The following TMPRSS7 variants were observed in gnomAD, a reference collection of about 807,000 sequenced individuals.
The protein encoded by TMPRSS7 is transmembrane protease serine 7.
In TMPRSS7, 81 loss-of-function variants were observed where a neutral mutation model predicts 95.6. The ratio of observed to expected loss-of-function variants is 0.85; its 90% confidence interval spans 0.71 to 1.02. The LOEUF is 1.02. Ranked by LOEUF, TMPRSS7 falls within the 50% of genes least tolerant of loss-of-function variation. The probability of loss-of-function intolerance (pLI) is 0.00; values close to 1 mark genes in which losing one functional copy is unlikely to be tolerated. For missense variants in TMPRSS7, 945 were observed against 955.2 expected, an observed-to-expected ratio of 0.99 and a Z score of 0.14; for synonymous variants, 364 against 337.8, an observed-to-expected ratio of 1.08 and a Z score of -0.85.
intron 7 of TMPRSS7, among the ~76,000 whole-genome samples, chr3:112,049,022 T>C (rs1211813955): frequency 6.6e-6 from 1 of 152,028 alleles, no homozygotes; most frequent in Non-Finnish European, 1.5e-5. Flanking sequence ...AAAGCTAAAC[T>C]AAAAGGAAAA....
chr3:112,040,562 G>A (rs11928544), intron 2 of TMPRSS7, among the ~76,000 whole-genome samples: 16,815 of 152,094 alleles, frequency 0.11, 1,154 homozygotes, highest in South Asian at 0.27. Context: ...CAAGTCAATG[G>A]GCCATTAAGA....
chr3:112,042,769 C>G (rs74844496), intron 3 of TMPRSS7, among the ~76,000 whole-genome samples: 3,386 of 152,286 alleles, frequency 0.022, 127 homozygotes, highest in African/African-American at 0.077. Flanking sequence ...GATAATGTGA[C>G]AGCAAAACTG....
At chr3:112,049,403 A>G (rs1023369955) in intron 7 of TMPRSS7, among the ~76,000 whole-genome samples, 1 of 152,198 alleles carries the variant, frequency 6.6e-6, no homozygotes, top group African/African-American at 2.4e-5. Flanking sequence ...GACCTGGACA[A>G]CACACATGGC....
At chr3:112,039,411 A>G (rs6783542) in intron 2 of TMPRSS7, among the ~76,000 whole-genome samples, 99,646 of 152,144 alleles carry the variant, frequency 0.65, 33,217 homozygotes, top group African/African-American at 0.78. Flanking sequence ...CTTAGATCCT[A>G]ACACAGAGCT....
At chr3:112,077,447 G>A (rs767054427) in intron 16 of TMPRSS7, among the ~76,000 whole-genome samples, 2 of 152,166 alleles carry the variant, frequency 1.3e-5, no homozygotes, top group Admixed American at 6.5e-5. Context: ...TTATTCACTA[G>A]AGAAGGAGCA....
chr3:112,041,368 A>G (rs528563931), intron 2 of TMPRSS7, among the ~76,000 whole-genome samples: 1 of 152,260 alleles, frequency 6.6e-6, no homozygotes, highest in Non-Finnish European at 1.5e-5. Context: ...ATTCTTTTTA[A>G]TTCAGCCATC....
rs546206271 is a variant in TMPRSS7, at chr3:112,048,845, C to A, written c.959+878C>A. Among the ~76,000 whole-genome samples, 5 of 152,262 alleles carry A rather than the reference C, an allele frequency of 3.3e-5. No homozygotes were observed. The East Asian group carries it at 9.6e-4, about 29-fold the overall frequency. ...TTTACTTATCTCATTTAATCCTCAG[C>A]AAAATGCTATGAGGAGCATACTATT... On this transcript the variant is annotated intron_variant, in intron 7 of 17. Coordinates refer to ENST00000452346, the Ensembl canonical transcript of TMPRSS7.
chr3:112,047,655 T>C, intron 6 of TMPRSS7, 84 bp from the exon 7 acceptor site: 1 of 1,106,642 alleles, frequency 9.0e-7, no homozygotes. Flanking sequence ...CTTTTGCCCT[T>C]TACTTTTCTA....
chr3:112,071,920 A>G (rs2073653179), intron 13 of TMPRSS7, among the ~76,000 whole-genome samples: 1 of 152,110 alleles, frequency 6.6e-6, no homozygotes, highest in South Asian at 2.1e-4. Context: ...GAAGTTTGTT[A>G]TTACCTACCT....
intron 5 of TMPRSS7, 95 bp from the exon 6 acceptor site, chr3:112,046,879 T>G: frequency 5.8e-6 from 4 of 689,006 alleles, no homozygotes; most frequent in Non-Finnish European, 1.1e-5. Flanking sequence ...TTTGATTGCC[T>G]TTAAAGAAGG....
Position 112,078,742 on chromosome 3 carries a change from A to G in TMPRSS7, c.2225A>G (p.Asp742Gly), listed in dbSNP as rs531571098. The change falls in exon 17 of 18, where the codon GAT (aspartate) becomes GGT (glycine). Residue 742 changes from aspartate to glycine, a missense_variant and splice_region_variant. By Grantham distance (94) the Asp-to-Gly change is moderately conservative. Coordinates refer to ENST00000452346, the Ensembl canonical transcript of TMPRSS7. ...TTTCTACTTCCAATGTGTTTTGCAGATAATAAAGGCTCCCTCGTTCTGCAG... is the reference window on the plus strand; with the variant it reads ...TTTCTACTTCCAATGTGTTTTGCAGGTAATAAAGGCTCCCTCGTTCTGCAG... 14 of 1,614,046 alleles carry G rather than the reference A, an allele frequency of 8.7e-6. No homozygotes were observed. The Middle Eastern group carries it at 4.9e-4, about 57-fold the overall frequency.
intron 17 of TMPRSS7, among the ~76,000 whole-genome samples, chr3:112,079,898 C>T (rs1477217072): frequency 6.6e-6 from 1 of 152,134 alleles, no homozygotes; most frequent in Non-Finnish European, 1.5e-5. Context: ...GTGTAAATGT[C>T]TGAGCTGGGA....
At position 112,049,993 on chromosome 3, in the gene TMPRSS7, T is replaced by C. The variant is rs1437217004; in HGVS notation, c.1090+19T>C. ...GAACAAAGTAAGTCTTCCCCAATTA[T>C]GGAGAAGTCACTTTTAGAAATATTT... On this transcript the variant is annotated intron_variant, in intron 8 of 17. Transcript: ENST00000452346. 2.0e-6 allele frequency: 3 copies of C among 1,526,890 alleles called. No homozygotes were observed. Among genetic ancestry groups the C allele is most frequent in the African/African-American group, 1.4e-5 (1 of 72,164 alleles). 94.6% of individuals were successfully genotyped at this position (1,526,890 alleles called of 1,614,324 possible).
At chr3:112,057,563 A>G (rs1434220786) in intron 10 of TMPRSS7, among the ~76,000 whole-genome samples, 2 of 152,152 alleles carry the variant, frequency 1.3e-5, no homozygotes, top group African/African-American at 4.8e-5. Flanking sequence ...TCAGAAATCT[A>G]GGGGCTTAGG....
intron 7 of TMPRSS7, 71 bp downstream of exon 7, chr3:112,048,038 C>T: frequency 6.2e-6 from 9 of 1,452,024 alleles, no homozygotes; most frequent in Non-Finnish European, 8.6e-6. Context: ...TATCTGTGTT[C>T]CCCCTGGATT....
intron 12 of TMPRSS7, among the ~76,000 whole-genome samples, chr3:112,065,867 A>G (rs965103106): frequency 1.2e-4 from 18 of 152,216 alleles, no homozygotes; most frequent in African/African-American, 4.1e-4. Flanking sequence ...AATGGATCTC[A>G]TCAGACAAAA....
intron 13 of TMPRSS7, among the ~76,000 whole-genome samples, chr3:112,069,964 T>C (rs2073622022): frequency 6.6e-6 from 1 of 152,226 alleles, no homozygotes; most frequent in Non-Finnish European, 1.5e-5. Flanking sequence ...TGTGGGTGTT[T>C]AGTGCAACAA....
At chr3:112,066,591 G>A in intron 13 of TMPRSS7, 89 bp downstream of exon 13, 1 of 1,187,486 alleles carries the variant, frequency 8.4e-7, no homozygotes. Context: ...TAGGGGTTAG[G>A]GCAATCAACT....
At chr3:112,044,402 C>T in intron 4 of TMPRSS7, 80 bp downstream of exon 4, 5 of 1,206,684 alleles carry the variant, frequency 4.1e-6, no homozygotes, top group Non-Finnish European at 6.0e-6. Context: ...GCTGAGATTC[C>T]ACCATTCCCA....
Sources: gnomAD v4.1 joint callset for allele counts (sites outside exome capture counted in the v4.1 genomes callset) on GRCh38, gnomAD v4.1.1 for gene constraint, MANE v1.5 for transcripts, NCBI Gene and HGNC (gene_info 2026-07-23, HGNC 2026-07-21) for gene names.